ZFP41: variants seen among roughly 807,000 people sequenced by gnomAD.
ZFP41 encodes ZFP41 zinc finger protein.
Under a neutral mutation model 11.6 loss-of-function variants are expected in ZFP41, and 10 were observed. The ratio of observed to expected loss-of-function variants is 0.86; its 90% CI spans 0.53 to 1.47. The LOEUF (loss-of-function observed/expected upper bound fraction) is 1.47. ZFP41 is among the 40% of genes most tolerant of loss of function. The probability of loss-of-function intolerance (pLI) is 0.00; values close to 1 mark genes in which losing one functional copy is unlikely to be tolerated. For synonymous variants in ZFP41, 123 were observed against 100.9 expected (o/e 1.22, Z -1.31); for missense variants, 302 against 264.6 (o/e 1.14, Z -0.98).
intron 2 of ZFP41, among the ~76,000 whole-genome samples, chr8:143,252,353 C>T (rs1048151772): frequency 4.5e-4 from 68 of 152,228 alleles, no homozygotes; most frequent in Non-Finnish European, 1.5e-5. Context: ...CTGGTCCATG[C>T]GGAAGGCCCC....
At position 143,249,782 on chromosome 8, in the gene ZFP41, G is replaced by A; in HGVS notation, c.-62G>A. On this transcript the variant is annotated 5_prime_UTR_variant, in exon 2 of 3. Transcript: ENST00000330701. ...GGTGCGTGGGAAGCAAGCCATTGAG[G>A]AAGTGGGGCCAACAGAGAGGTCAGC... 1 of 1,514,660 alleles carries A rather than the reference G, an allele frequency of 6.6e-7. No homozygotes were observed. Among genetic ancestry groups the A allele is most frequent in the Non-Finnish European group, 8.8e-7 (1 of 1,136,434 alleles). The allele number at this position is 1,514,660 out of a possible 1,614,324, so 93.8% of individuals were successfully genotyped here. A position where few individuals can be genotyped will look rare whatever the true frequency, so the allele number is the denominator to read the frequency against.
intron 2 of ZFP41, among the ~76,000 whole-genome samples, chr8:143,258,232 G>A (rs565389220): frequency 6.6e-6 from 1 of 152,308 alleles, no homozygotes; most frequent in South Asian, 2.1e-4. Flanking sequence ...AAGGTAGGAG[G>A]ATCAGTTGAG....
Position 143,252,679 on chromosome 8 carries a change from T to A in ZFP41, c.*900+1339T>A, listed in dbSNP as rs998399884. On this transcript the variant is annotated intron_variant, in intron 2 of 2. Transcript: ENST00000330701. ...GGCAAGTCCCGTGGTGTCGTGTACC[T>A]GCCTCTGTGATGACTGTGTCTCACA... The A allele has an allele frequency of 3.1e-6, 3 of 974,282 alleles. No homozygotes were observed. In the African/African-American group the frequency reaches 5.3e-5, roughly 17 times the overall value. The allele number at this position is 974,282 out of a possible 1,614,324, so 60.4% of individuals were successfully genotyped here. A position where few individuals can be genotyped will look rare whatever the true frequency, so the allele number is the denominator to read the frequency against.
chr8:143,254,386 G>A (rs984569899), intron 2 of ZFP41, among the ~76,000 whole-genome samples: 1 of 152,172 alleles, frequency 6.6e-6, no homozygotes, highest in Non-Finnish European at 1.5e-5. Flanking sequence ...GGGAAGAGCC[G>A]GCGTCAGGAG....
Position 143,250,442 on chromosome 8 carries a change from C to T in ZFP41, c.*2C>T, listed in dbSNP as rs201836000. On this transcript the variant is annotated 3_prime_UTR_variant, in exon 2 of 3. Coordinates refer to ENST00000330701, the MANE Select transcript of ZFP41 (RefSeq NM_173832.6). ...CGCCACCCTCGGAAGAAGCCCTGAGCCGGGGCCATCTGCGGACTCGGGCCC... is the reference window on the plus strand; with the variant it reads ...CGCCACCCTCGGAAGAAGCCCTGAGTCGGGGCCATCTGCGGACTCGGGCCC... 156 of 1,606,890 alleles carry T rather than the reference C, an allele frequency of 9.7e-5. No homozygotes were observed. The Middle Eastern group carries it at 1.5e-3, about 15-fold the overall frequency.
At chr8:143,247,574 A>T (rs544051472) in intron 1 of ZFP41, 3 of 152,234 alleles carry the variant, frequency 2.0e-5, no homozygotes, top group African/African-American at 4.8e-5. Flanking sequence ...GGCAGCCCTT[A>T]CCGCCCACGG....
rs370444868 is a variant in ZFP41 at position 143,249,943 on chromosome 8, A to G, written c.100A>G (p.Arg34Gly). The change falls in exon 2 of 3, where the codon AGA becomes GGA. Residue 34 changes from arginine (R) to glycine (G), a missense_variant. Transcript: ENST00000330701. The stretch of plus-strand genomic sequence containing the variant: ...CAGAGAGGAGAAGGTGTCCGGGGAC[A>G]GAAAGCCACCTGAGAGGCCCACTGT... ...ALREEKVSGD[R>G]KPPERPTVPR... 1.3e-4 allele frequency: 209 copies of G among 1,614,056 alleles called. No individual in the cohort carries two copies. Among genetic ancestry groups the G allele is most frequent in the Non-Finnish European group, 1.7e-4 (200 of 1,179,986 alleles).
rs1238375193 is a variant in ZFP41, at chr8:143,261,526, G to C, written c.*2652G>C. ...CCTCACGCTTACAGAGCCTGGTGTTGGCACTCTCCTGGCTTCCTCCGCAAA... is the reference window on the plus strand; with the variant it reads ...CCTCACGCTTACAGAGCCTGGTGTTCGCACTCTCCTGGCTTCCTCCGCAAA... On this transcript the variant is annotated 3_prime_UTR_variant, in exon 3 of 3. Transcript: ENST00000330701. The C allele has an allele frequency of 6.5e-6, 1 of 152,888 alleles. No individual in the cohort carries two copies. The highest frequency in any genetic ancestry group is 6.5e-5 in the Admixed American group (1 of 15,290). 9.5% of individuals were successfully genotyped at this position (152,888 alleles called of 1,614,324 possible). A position where few individuals can be genotyped will look rare whatever the true frequency, so the allele number is the denominator to read the frequency against.
At chr8:143,249,592 T>C (rs1340721594) in intron 1 of ZFP41, 98 bp from the exon 2 acceptor site, 2 of 467,468 alleles carry the variant, frequency 4.3e-6, no homozygotes, top group South Asian at 3.9e-5. Context: ...TGAGACACTC[T>C]TGGGGGAACA....
chr8:143,251,748 C>T (rs1015584941), intron 2 of ZFP41, among the ~76,000 whole-genome samples: 8 of 152,278 alleles, frequency 5.3e-5, no homozygotes, highest in African/African-American at 1.9e-4. Flanking sequence ...TTTTTCCTGC[C>T]GCGGTCTTTC....
At position 143,249,686 on chromosome 8, in the gene ZFP41, C is replaced by T. The variant is rs1356531081; in HGVS notation, c.-154-4C>T. On this transcript the variant is annotated splice_polypyrimidine_tract_variant and splice_region_variant and intron_variant, in intron 1 of 2. Transcript: ENST00000330701. The stretch of plus-strand genomic sequence containing the variant: ...CTGAGGTTCATGTTCTTGCTTCTCC[C>T]CAGCACCAAGAGGATGGTGGCCCTT... The T allele has an allele frequency of 1.1e-5, 13 of 1,230,172 alleles. No individual in the cohort carries two copies. Among genetic ancestry groups the T allele is most frequent in the Non-Finnish European group, 1.4e-5 (13 of 917,274 alleles). 76.2% of individuals were successfully genotyped at this position (1,230,172 alleles called of 1,614,324 possible). A position where few individuals can be genotyped will look rare whatever the true frequency, so the allele number is the denominator to read the frequency against.
rs372398807 is a variant in ZFP41, at chr8:143,250,856, G to A, written c.*416G>A. 5.4e-5 allele frequency: 12 copies of A among 224,116 alleles called. No individual in the cohort carries two copies. The South Asian group carries it at 7.6e-4, about 14-fold the overall frequency. The allele number at this position is 224,116 out of a possible 1,614,324, so 13.9% of individuals were successfully genotyped here. A position where few individuals can be genotyped will look rare whatever the true frequency, so the allele number is the denominator to read the frequency against. On this transcript the variant is annotated 3_prime_UTR_variant, in exon 2 of 3. Transcript: ENST00000330701. ...CAGCACTTCCCGCTGCTGCCTGCCT[G>A]TGATGTCCACTCTGCTTAAGCCTTT... is the stretch of plus-strand genomic sequence containing the variant.
intron 2 of ZFP41, among the ~76,000 whole-genome samples, chr8:143,252,186 T>C (rs1300701756): frequency 2.0e-5 from 3 of 152,264 alleles, no homozygotes; most frequent in Non-Finnish European, 4.4e-5. Context: ...GCTTTGCCTC[T>C]GGCCTGGTTA....
intron 2 of ZFP41, among the ~76,000 whole-genome samples, chr8:143,258,584 G>A (rs1814965308): frequency 6.6e-6 from 1 of 152,176 alleles, no homozygotes; most frequent in Non-Finnish European, 1.5e-5. Context: ...AGCAACAAAT[G>A]ACAAATGTTC....
chr8:143,250,129 T>A lies in ZFP41; in HGVS notation c.286T>A (p.Phe96Ile), dbSNP rs1816772138. 2 of 1,614,066 alleles carry A rather than the reference T, an allele frequency of 1.2e-6. No individual in the cohort carries two copies. Among genetic ancestry groups the A allele is most frequent in the African/African-American group, 2.7e-5 (2 of 74,936 alleles). The change falls in exon 2 of 3, where the codon TTT becomes ATT. Residue 96 changes from phenylalanine to isoleucine, a missense_variant. Transcript: ENST00000330701. ...PYECSECGRI[F>I]KHKTDHIRHQ... ...TGAGTGCAGTGAGTGTGGGCGGATC[T>A]TTAAGCACAAGACAGACCACATTCG...
chr8:143,251,758 C>T (rs1814767514), intron 2 of ZFP41, among the ~76,000 whole-genome samples: 2 of 152,244 alleles, frequency 1.3e-5, no homozygotes, highest in South Asian at 4.1e-4. Context: ...CGCGGTCTTT[C>T]TGAGGGCTGT....
At chr8:143,248,772 G>C (rs1355202633) in intron 1 of ZFP41, among the ~76,000 whole-genome samples, 1 of 152,008 alleles carries the variant, frequency 6.6e-6, no homozygotes, top group Non-Finnish European at 1.5e-5. Flanking sequence ...CAGTTCTGGC[G>C]CCCACCTGAT....
chr8:143,249,792 C>G lies in ZFP41; in HGVS notation c.-52C>G. The G allele has an allele frequency of 6.6e-7, 1 of 1,520,460 alleles. No homozygotes were observed. The highest frequency in any genetic ancestry group is 8.8e-7 in the Non-Finnish European group (1 of 1,139,292). 94.2% of individuals were successfully genotyped at this position (1,520,460 alleles called of 1,614,324 possible). ...AAGCAAGCCATTGAGGAAGTGGGGC[C>G]AACAGAGAGGTCAGCAGCCCCTTAG... is the stretch of plus-strand genomic sequence containing the variant. On this transcript the variant is annotated 5_prime_UTR_variant, in exon 2 of 3. Coordinates refer to ENST00000330701, the MANE Select transcript of ZFP41 (RefSeq NM_173832.6).
Position 143,250,782 on chromosome 8 carries a change from G to T in ZFP41, c.*342G>T. 2.9e-6 allele frequency: 1 copy of T among 345,332 alleles called. No individual in the cohort carries two copies. The allele number at this position is 345,332 out of a possible 1,614,324, so 21.4% of individuals were successfully genotyped here. Reference sequence around the variant, plus strand: ...ACTGCCATCCATTGGACGTGTTTGGGTCACCTCAGAGCACCCAGCAGGAGA... The same window carrying T: ...ACTGCCATCCATTGGACGTGTTTGGTTCACCTCAGAGCACCCAGCAGGAGA... On this transcript the variant is annotated 3_prime_UTR_variant, in exon 2 of 3. Transcript: ENST00000330701.
Sources: allele counts gnomAD v4.1 joint callset (sites outside exome capture counted in the v4.1 genomes callset), GRCh38; gene constraint gnomAD v4.1.1; transcripts MANE v1.5; gene names NCBI Gene and HGNC (gene_info 2026-07-23, HGNC 2026-07-21).